The following TNPO3 variants were observed in gnomAD, a reference collection of about 807,000 sequenced individuals.
TNPO3 encodes transportin-3.
A neutral mutation model predicts 122.8 loss-of-function variants in TNPO3; 65 were observed. That is an observed-to-expected ratio of 0.53 (90% confidence interval 0.43 to 0.65). The LOEUF is 0.65. Ranked by LOEUF, TNPO3 falls within the 30% of genes least tolerant of loss-of-function variation. TNPO3 has a pLI of 0.00. For synonymous variants in TNPO3, 372 were observed against 411.2 expected (o/e 0.90, Z 1.15); for missense variants, 850 against 1,136.7 (o/e 0.75, Z 3.63).
In TNPO3 at chr7:128,997,517, TA is replaced by T. The variant is rs1234277892; in HGVS notation, c.1029del (p.Phe343LeufsTer59). 6.2e-7 allele frequency: 1 copy of T among 1,613,728 alleles called. No individual in the cohort carries two copies. The highest frequency in any genetic ancestry group is 1.3e-5 in the African/African-American group (1 of 74,942). ...TGTTCCCCCAGTCGGTACCAAAAGT[TA>T]AATGAAATTTCTACTACCTGTTAGG... ...HPQYEVVEIS[F>X]NFWYRLGEHL... On this transcript the variant is annotated frameshift_variant, in exon 8 of 23. Coordinates refer to ENST00000265388, the MANE Select transcript of TNPO3 (RefSeq NM_012470.4). LOFTEE classifies it high-confidence loss of function.
rs536560869 is a variant in TNPO3 at position 128,956,271 on chromosome 7, G to C, written c.*32-886C>G. On this transcript the variant is annotated intron_variant, in intron 22 of 22. Coordinates refer to ENST00000265388, the MANE Select transcript of TNPO3 (RefSeq NM_012470.4). ...TGCATTTAACACAGAAACTACCAGT[G>C]AGTGCTACAGATTCATCAAGAATTG... Among the ~76,000 whole-genome samples the C allele has an allele frequency of 1.2e-4, 18 of 152,294 alleles. No homozygotes were observed. The South Asian group carries it at 3.7e-3, about 32-fold the overall frequency.
At chr7:128,957,882 AG>A (rs1239024095) in intron 21 of TNPO3, among the ~76,000 whole-genome samples, 1 of 151,554 alleles carries the variant, frequency 6.6e-6, no homozygotes, top group African/African-American at 2.4e-5. Context: ...CTCCTGTGGG[AG>A]GAGGAGGGAG....
intron 21 of TNPO3, among the ~76,000 whole-genome samples, chr7:128,962,359 G>A (rs958227798): frequency 1.2e-4 from 16 of 131,596 alleles, no homozygotes; most frequent in African/African-American, 4.0e-4. Context: ...GCGACAGAGC[G>A]AGACTCCGTC....
At chr7:128,963,239 G>A (rs1222456767) in intron 21 of TNPO3, among the ~76,000 whole-genome samples, 2 of 152,036 alleles carry the variant, frequency 1.3e-5, no homozygotes, top group South Asian at 2.1e-4. Flanking sequence ...AAAGTAATAG[G>A]GTATGTGGCA....
chr7:128,975,982 G>C, intron 16 of TNPO3, 47 bp from the exon 17 acceptor site: 1 of 1,351,828 alleles, frequency 7.4e-7, no homozygotes, highest in Non-Finnish European at 1.1e-6. Context: ...CCTTCAAAAA[G>C]TACCAACTTA....
chr7:128,990,976 AC>A (rs200190178), intron 10 of TNPO3, among the ~76,000 whole-genome samples: 5 of 138,636 alleles, frequency 3.6e-5, no homozygotes, highest in Non-Finnish European at 6.6e-5. Context: ...ATGCATATAA[AC>A]AAAAAAAATA....
intron 4 of TNPO3, among the ~76,000 whole-genome samples, chr7:129,013,221 T>C (rs961552710): frequency 1.1e-4 from 16 of 152,244 alleles, no homozygotes; most frequent in Middle Eastern, 6.8e-3. Context: ...CTGCAGGACA[T>C]TGATCTGGGC....
chr7:129,011,318 A>T (rs769272376), intron 4 of TNPO3, among the ~76,000 whole-genome samples: 22 of 152,124 alleles, frequency 1.4e-4, no homozygotes, highest in Admixed American at 2.0e-4. Flanking sequence ...TACAGATTGG[A>T]TATTCTTTGT....
chr7:129,055,000 T>C lies in TNPO3; in HGVS notation c.-230A>G. 1 of 537,184 alleles carries C rather than the reference T, an allele frequency of 1.9e-6. No homozygotes were observed. 33.3% of individuals were successfully genotyped at this position (537,184 alleles called of 1,614,324 possible). ...CTGGCCTTTTTTCCGGTTTTTCCAC[T>C]TGATTCTAGACTCTTGAGTCCACAG... On this transcript the variant is annotated 5_prime_UTR_variant, in exon 1 of 23. Transcript: ENST00000265388.
At chr7:129,054,017 A>G (rs1809140093) in intron 1 of TNPO3, among the ~76,000 whole-genome samples, 1 of 152,240 alleles carries the variant, frequency 6.6e-6, no homozygotes. Context: ...CAGAGAAATA[A>G]CAAGGTTAGA....
chr7:129,000,189 A>G (rs1418718706), intron 7 of TNPO3, among the ~76,000 whole-genome samples: 1 of 152,212 alleles, frequency 6.6e-6, no homozygotes, highest in Non-Finnish European at 1.5e-5. Context: ...CTTGCTTTCT[A>G]ACGAGTTCCT....
At chr7:128,982,408 TC>T in intron 13 of TNPO3, 84 bp from the exon 14 acceptor site, 1 of 1,209,294 alleles carries the variant, frequency 8.3e-7, no homozygotes. Context: ...AACCTTTGTC[TC>T]AATCTCTGCT....
chr7:129,000,925 A>T, intron 6 of TNPO3, 134 bp downstream of exon 6: 3 of 1,058,812 alleles, frequency 2.8e-6, no homozygotes, highest in Non-Finnish European at 4.1e-6. Flanking sequence ...ATAGTAGAGC[A>T]TCTTTAGGAA....
chr7:128,990,733 A>G (rs1800659098), intron 10 of TNPO3, among the ~76,000 whole-genome samples: 1 of 152,234 alleles, frequency 6.6e-6, no homozygotes, highest in Non-Finnish European at 1.5e-5. Context: ...CCATAGCTCC[A>G]TGAGTTTATC....
Position 129,015,010 on chromosome 7 carries a change from G to A in TNPO3, c.521C>T (p.Ala174Val). 1 of 1,611,216 alleles carries A rather than the reference G, an allele frequency of 6.2e-7. No homozygotes were observed. The highest frequency in any genetic ancestry group is 8.5e-7 in the Non-Finnish European group (1 of 1,179,548). ...NRRTEIIEDL[A>V]FYSSTVVSLL... is the part of the protein sequence containing the mutation. ...AGATACTACTGTACTAGAGTAGAAG[G>A]CCAAATCTTCTATAATTTCTGTGCG... The change falls in exon 4 of 23, where the codon GCC becomes GTC. Residue 174 changes from alanine (A) to valine (V), a missense_variant. Physicochemically the swap from Ala to Val is moderately conservative, Grantham distance 64. Transcript: ENST00000265388.
intron 21 of TNPO3, among the ~76,000 whole-genome samples, chr7:128,960,140 T>C (rs1161980074): frequency 6.6e-6 from 1 of 152,212 alleles, no homozygotes; most frequent in African/African-American, 2.4e-5. Context: ...GATGAACAAC[T>C]GCATGTTGCG....
chr7:129,041,600 T>C (rs1454742593), intron 1 of TNPO3: 1 of 985,482 alleles, frequency 1.0e-6, no homozygotes, highest in Non-Finnish European at 1.2e-6. Flanking sequence ...TGCTACCCAC[T>C]GAAATCCAGG....
chr7:129,018,217 T>C, intron 1 of TNPO3, 60 bp from the exon 2 acceptor site: 2 of 1,512,550 alleles, frequency 1.3e-6, no homozygotes, highest in Non-Finnish European at 9.1e-7. Flanking sequence ...TTTAATGACA[T>C]AACCTCAATA....
chr7:129,028,958 G>T, intron 1 of TNPO3: 1 of 444,494 alleles, frequency 2.2e-6, no homozygotes, highest in Non-Finnish European at 4.4e-6. Context: ...TACTGCCAAG[G>T]ACATTCTGGA....
Sources: allele counts gnomAD v4.1 joint callset (sites outside exome capture counted in the v4.1 genomes callset), GRCh38; gene constraint gnomAD v4.1.1; transcripts MANE v1.5; gene names NCBI Gene and HGNC (gene_info 2026-07-23, HGNC 2026-07-21).